Variants in RASGRF2 observed in about 807,000 individuals in gnomAD.
The protein encoded by RASGRF2 is Ras protein specific guanine nucleotide releasing factor 2, also known as ras-specific guanine nucleotide-releasing factor 2.
Under a neutral mutation model 151.0 loss-of-function variants are expected in RASGRF2, and 76 were observed. The observed-to-expected ratio is 0.50, with a 90% CI of 0.42 to 0.61. The LOEUF is 0.61. Among genes scored for constraint, RASGRF2 ranks in the 20% least tolerant of loss-of-function variants. The pLI is 0.00. For missense variants in RASGRF2, 1,148 were observed against 1,564.6 expected (o/e 0.73, Z 4.49); for synonymous variants, 504 against 566.5 (o/e 0.89, Z 1.57).
At chr5:81,089,600 G>T (rs1216011800) in intron 9 of RASGRF2, among the ~76,000 whole-genome samples, 3 of 152,168 alleles carry the variant, frequency 2.0e-5, no homozygotes, top group African/African-American at 4.8e-5. Context: ...TATTATCATT[G>T]TTTTCTAAAA....
At chr5:81,192,057 G>A (rs1313087485) in intron 18 of RASGRF2, among the ~76,000 whole-genome samples, 1 of 152,096 alleles carries the variant, frequency 6.6e-6, no homozygotes, top group Non-Finnish European at 1.5e-5. Context: ...TTAAAACTTA[G>A]GTAGCTTATT....
At chr5:81,198,031 C>T (rs957484970) in intron 18 of RASGRF2, among the ~76,000 whole-genome samples, 1 of 152,136 alleles carries the variant, frequency 6.6e-6, no homozygotes, top group East Asian at 1.9e-4. Context: ...CACTGATACA[C>T]ATCTAGAATC....
chr5:80,992,712 G>A (rs1221507253), intron 1 of RASGRF2, among the ~76,000 whole-genome samples: 1 of 152,102 alleles, frequency 6.6e-6, no homozygotes, highest in African/African-American at 2.4e-5. Context: ...AGTTCATTCT[G>A]AATTTATCCC....
intron 17 of RASGRF2, among the ~76,000 whole-genome samples, chr5:81,139,680 A>C (rs907247486): frequency 2.6e-5 from 4 of 152,010 alleles, no homozygotes; most frequent in Non-Finnish European, 4.4e-5. Context: ...CAAGCAGGGG[A>C]ACTATACACT....
At chr5:81,023,046 GAA>G (rs1357532229) in intron 1 of RASGRF2, among the ~76,000 whole-genome samples, 4 of 119,998 alleles carry the variant, frequency 3.3e-5, no homozygotes, top group Non-Finnish European at 6.5e-5. Flanking sequence ...TTTCTTGAGA[GAA>G]AAGACAAGAG....
chr5:81,061,726 C>T (rs1751439146), intron 2 of RASGRF2, among the ~76,000 whole-genome samples: 1 of 151,788 alleles, frequency 6.6e-6, no homozygotes, highest in African/African-American at 2.4e-5. Flanking sequence ...CTCATTTTGT[C>T]ACCCAACCTG....
intron 2 of RASGRF2, among the ~76,000 whole-genome samples, chr5:81,055,120 C>T (rs1271005434): frequency 6.6e-6 from 1 of 152,124 alleles, no homozygotes; most frequent in Non-Finnish European, 1.5e-5. Flanking sequence ...CCCTTTATTT[C>T]TTTCTCCCAC....
chr5:80,994,815 G>A (rs1748781411), intron 1 of RASGRF2, among the ~76,000 whole-genome samples: 1 of 152,124 alleles, frequency 6.6e-6, no homozygotes, highest in South Asian at 2.1e-4. Context: ...AACCATTAGT[G>A]CAATTTTCAA....
chr5:81,174,760 A>T (rs1396062220), intron 17 of RASGRF2, among the ~76,000 whole-genome samples: 4 of 152,248 alleles, frequency 2.6e-5, no homozygotes, highest in Non-Finnish European at 4.4e-5. Context: ...GAGTTTGGGA[A>T]AAGAGCACAT....
chr5:81,106,795 C>G (rs1752858779), intron 12 of RASGRF2, among the ~76,000 whole-genome samples: 1 of 152,176 alleles, frequency 6.6e-6, no homozygotes, highest in East Asian at 1.9e-4. Context: ...CAGGATGCAG[C>G]AGTTTCAGGA....
chr5:81,210,244 T>G (rs751998705), intron 22 of RASGRF2: 1 of 152,338 alleles, frequency 6.6e-6, no homozygotes, highest in Non-Finnish European at 1.5e-5. Context: ...GGCGCTCTCA[T>G]CAGCAGCTGT....
intron 2 of RASGRF2, among the ~76,000 whole-genome samples, chr5:81,050,288 T>A (rs1030601154): frequency 2.4e-4 from 37 of 152,190 alleles, no homozygotes; most frequent in African/African-American, 8.0e-4. Context: ...TAAGCAAACA[T>A]CTGATCTGCT....
At chr5:81,184,001 A>G (rs1273318541) in intron 18 of RASGRF2, among the ~76,000 whole-genome samples, 1 of 152,226 alleles carries the variant, frequency 6.6e-6, no homozygotes, top group Admixed American at 6.5e-5. Flanking sequence ...TCATCTTTGC[A>G]TCTCCTTTCA....
intron 1 of RASGRF2, among the ~76,000 whole-genome samples, chr5:80,999,997 G>A (rs1034349234): frequency 6.6e-6 from 1 of 152,148 alleles, no homozygotes; most frequent in Non-Finnish European, 1.5e-5. Context: ...TGTGTTCCAC[G>A]ATATCTGGGA....
intron 1 of RASGRF2, among the ~76,000 whole-genome samples, chr5:80,971,597 A>T (rs1460105956): frequency 1.5e-5 from 2 of 134,486 alleles, no homozygotes; most frequent in Non-Finnish European, 1.6e-5. Flanking sequence ...ATAGTTTCTT[A>T]CTCTGTCATC....
chr5:80,987,283 C>T (rs564943907), intron 1 of RASGRF2, among the ~76,000 whole-genome samples: 1 of 152,160 alleles, frequency 6.6e-6, no homozygotes, highest in Non-Finnish European at 1.5e-5. Context: ...TGACTGTGTG[C>T]CAGGCATTGT....
chr5:81,208,206 A>C, intron 21 of RASGRF2, 148 bp from the exon 22 acceptor site: 2 of 592,032 alleles, frequency 3.4e-6, no homozygotes, highest in Non-Finnish European at 5.8e-6. Flanking sequence ...GGTAAAATTC[A>C]CTTGTGAGGC....
intron 25 of RASGRF2, 145 bp downstream of exon 25, chr5:81,217,618 C>T (rs528855148): frequency 7.1e-5 from 46 of 651,882 alleles, no homozygotes; most frequent in African/African-American, 1.9e-4. Flanking sequence ...CTCAGTCTAT[C>T]GCCCAGGCTG....
intron 1 of RASGRF2, among the ~76,000 whole-genome samples, chr5:80,995,999 C>T (rs961888411): frequency 1.3e-5 from 2 of 151,976 alleles, no homozygotes; most frequent in African/African-American, 4.8e-5. Context: ...AGCCCCAAAC[C>T]ATTGTTTCTT....
Sources: gnomAD v4.1 joint callset for allele counts (sites outside exome capture counted in the v4.1 genomes callset) on GRCh38, gnomAD v4.1.1 for gene constraint, MANE v1.5 for transcripts, NCBI Gene and HGNC (gene_info 2026-07-23, HGNC 2026-07-21) for gene names.